PRH1: variants seen among roughly 807,000 people sequenced by gnomAD.
PRH1 encodes salivary acidic proline-rich phosphoprotein 1/2.
PRH1 carries 7 observed loss-of-function variants against 7.9 expected under a neutral mutation model. The ratio of observed to expected loss-of-function variants is 0.89; its 90% confidence interval spans 0.50 to 1.67. PRH1 has a LOEUF of 1.67. Ranked by LOEUF, PRH1 falls within the 40% of genes most tolerant of loss-of-function variation. The probability of loss-of-function intolerance (pLI) is 0.00; values close to 1 mark genes in which losing one functional copy is unlikely to be tolerated. For synonymous variants in PRH1, 45 were observed against 80.8 expected (o/e 0.56, Z 2.38); for missense variants, 109 against 223.6 (o/e 0.49, Z 3.27).
chr12:10,914,375 T>C (rs1379930653), intron 2 of PRH1, among the ~76,000 whole-genome samples: 2 of 152,188 alleles, frequency 1.3e-5, no homozygotes, highest in Non-Finnish European at 2.9e-5. Context: ...GTAAATTATG[T>C]GTGTATTCAG....
At chr12:11,101,342 T>C (rs1945241398) in intron 1 of PRH1, among the ~76,000 whole-genome samples, 1 of 152,030 alleles carries the variant, frequency 6.6e-6, no homozygotes, top group South Asian at 2.1e-4. Context: ...TAGAAAAAAT[T>C]AGCAGGGCGT....
chr12:11,099,819 C>G (rs1352323851), intron 1 of PRH1, among the ~76,000 whole-genome samples: 2 of 152,102 alleles, frequency 1.3e-5, no homozygotes, highest in Non-Finnish European at 2.9e-5. Flanking sequence ...TCTGCTAAAC[C>G]AAGAGTGTGG....
intron 1 of PRH1, among the ~76,000 whole-genome samples, chr12:11,149,471 A>C (rs1366762264): frequency 1.3e-5 from 2 of 151,816 alleles, no homozygotes; most frequent in African/African-American, 2.4e-5. Context: ...CAAAACAGAG[A>C]TATAGATCAA....
At chr12:11,101,002 G>C (rs149690714) in intron 1 of PRH1, among the ~76,000 whole-genome samples, 1 of 151,768 alleles carries the variant, frequency 6.6e-6, no homozygotes, top group African/African-American at 2.4e-5. Context: ...AATATCCATC[G>C]TACTATAATT....
At chr12:10,943,636 A>C (rs1209382365) in intron 2 of PRH1, among the ~76,000 whole-genome samples, 1 of 152,100 alleles carries the variant, frequency 6.6e-6, no homozygotes, top group Non-Finnish European at 1.5e-5. Context: ...TTGCCATGAA[A>C]TCTTTGCTCA....
intron 1 of PRH1, among the ~76,000 whole-genome samples, chr12:11,115,150 C>G (rs950894677): frequency 6.6e-6 from 1 of 152,074 alleles, no homozygotes; most frequent in Non-Finnish European, 1.5e-5. Flanking sequence ...AATCTGTTGC[C>G]TCTAAGAAAC....
intron 1 of PRH1, among the ~76,000 whole-genome samples, chr12:11,056,056 T>C (rs1943350968): frequency 6.6e-6 from 1 of 152,258 alleles, no homozygotes; most frequent in Admixed American, 6.5e-5. Context: ...GGAAATATTA[T>C]TGTCCTATAA....
intron 1 of PRH1, chr12:11,062,328 T>C: frequency 5.8e-6 from 9 of 1,556,588 alleles, no homozygotes; most frequent in Non-Finnish European, 6.9e-6. Flanking sequence ...TTTAAAATGC[T>C]GGTGTAATAT....
intron 1 of PRH1, among the ~76,000 whole-genome samples, chr12:11,154,374 T>C (rs576229962): frequency 3.3e-5 from 5 of 152,156 alleles, no homozygotes; most frequent in Non-Finnish European, 7.3e-5. Context: ...AATGTGCATA[T>C]ATAAATGACA....
intron 2 of PRH1, chr12:10,894,800 A>G (rs886628280): frequency 6.6e-6 from 1 of 152,198 alleles, no homozygotes; most frequent in Non-Finnish European, 1.5e-5. Flanking sequence ...CTTAATTTAA[A>G]TCAGCAAGTA....
chr12:10,939,041 A>G (rs761725125), intron 2 of PRH1: 3 of 1,613,964 alleles, frequency 1.9e-6, no homozygotes, highest in South Asian at 2.2e-5. Context: ...AACCAGGCTA[A>G]TTCGAGAGAT....
intron 2 of PRH1, among the ~76,000 whole-genome samples, chr12:10,959,211 AG>A (rs1433418634): frequency 6.6e-6 from 1 of 152,146 alleles, no homozygotes; most frequent in African/African-American, 2.4e-5. Flanking sequence ...GGTCATTAGC[AG>A]AAGAGGGAAA....
chr12:11,046,712 G>A (rs530872960), intron 1 of PRH1, among the ~76,000 whole-genome samples: 7 of 152,046 alleles, frequency 4.6e-5, no homozygotes, highest in Non-Finnish European at 8.8e-5. Flanking sequence ...ATCTGTGGGA[G>A]GCTTGGTCCT....
At chr12:11,146,793 A>C (rs1946874018) in intron 1 of PRH1, among the ~76,000 whole-genome samples, 2 of 152,212 alleles carry the variant, frequency 1.3e-5, no homozygotes, top group African/African-American at 2.4e-5. Flanking sequence ...TCCATTATCC[A>C]AACAATTTAC....
chr12:11,101,716 T>C (rs927471323), intron 1 of PRH1, among the ~76,000 whole-genome samples: 1 of 152,096 alleles, frequency 6.6e-6, no homozygotes, highest in Non-Finnish European at 1.5e-5. Context: ...AACAGTAAGA[T>C]AAAAAATTAT....
In PRH1 at chr12:11,078,327, A is replaced by C; in HGVS notation, n.124-31139T>G. 7.4e-6 allele frequency: 2 copies of C among 270,826 alleles called. 1 individual carries two copies. The highest frequency in any genetic ancestry group is 4.6e-5 in the African/African-American group (2 of 43,208). 16.8% of individuals were successfully genotyped at this position (270,826 alleles called of 1,614,324 possible). On this transcript the variant is annotated intron_variant and non_coding_transcript_variant, in intron 1 of 4. Transcript: ENST00000541977. ...AATATCCAAACATTAACTTCGATAA[A>C]CACTTGATTACTAAATGTGCAATAA...
In PRH1 at chr12:11,042,512, G is replaced by C. The variant is rs994160435; in HGVS notation, c.-126+4508C>G. ...AAAAAAAAAAAAAAAAAAAAGCCTG[G>C]GAGCAGACGGCTTTAGATCTGAATT... On this transcript the variant is annotated intron_variant, in intron 1 of 3. Transcript: ENST00000539853. Among the ~76,000 whole-genome samples, 4 of 146,706 alleles carry C rather than the reference G, an allele frequency of 2.7e-5. 1 individual carries two copies. Among genetic ancestry groups the C allele is most frequent in the Non-Finnish European group, 4.5e-5 (3 of 66,866 alleles).
intron 1 of PRH1, among the ~76,000 whole-genome samples, chr12:11,132,164 A>T (rs1239791461): frequency 3.9e-5 from 6 of 152,256 alleles, no homozygotes; most frequent in South Asian, 4.1e-4. Context: ...TTCTTATAAT[A>T]GAACTTCCCA....
intron 1 of PRH1, among the ~76,000 whole-genome samples, chr12:11,155,644 T>C (rs1355502562): frequency 6.6e-6 from 1 of 152,202 alleles, no homozygotes; most frequent in African/African-American, 2.4e-5. Context: ...TTAAGCATTA[T>C]GTTGATAAAA....
Sources: gnomAD v4.1 joint callset for allele counts (sites outside exome capture counted in the v4.1 genomes callset) on GRCh38, gnomAD v4.1.1 for gene constraint, MANE v1.5 for transcripts, NCBI Gene and HGNC (gene_info 2026-07-23, HGNC 2026-07-21) for gene names.